Variants in STRN4 observed in about 807,000 individuals in gnomAD.
The protein encoded by STRN4 is striatin-4.
STRN4 carries 27 observed loss-of-function variants against 77.9 expected under a neutral mutation model. That is an observed-to-expected ratio of 0.35 (90% CI 0.26 to 0.48). STRN4 has a LOEUF of 0.48. STRN4 is among the 20% of genes least tolerant of loss of function. The pLI is 0.99. For synonymous variants in STRN4, 466 were observed against 443.1 expected, an observed-to-expected ratio of 1.05 and a Z score of -0.65; for missense variants, 798 against 1,049.7, an observed-to-expected ratio of 0.76 and a Z score of 3.31.
In STRN4 at chr19:46,733,056, G is replaced by A. The variant is rs375496663; in HGVS notation, c.720C>T (p.Ile240=). The A allele has an allele frequency of 2.4e-5, 38 of 1,611,280 alleles. No individual in the cohort carries two copies. The African/African-American group carries it at 3.3e-4, about 14-fold the overall frequency. The stretch of plus-strand genomic sequence containing the variant: ...GGGCTCACCTCTTTATCTGCTCCTC[G>A]ATCTGTTTCACCAGCAGCGACTCCC... ...SGGESLLVKQ[I]EEQIKRNAAG... is the part of the protein sequence containing the mutation. The change falls in exon 5 of 18, where the codon ATC becomes ATT. Residue 240 remains isoleucine (I), a synonymous_variant. Coordinates refer to ENST00000263280, the MANE Select transcript of STRN4 (RefSeq NM_013403.3). This position sits in a 1 kb window ranked among gnomAD's most constrained non-coding sequence, Gnocchi z 4.3.
At chr19:46,734,360 CTATTAT>C (rs1201617122) in intron 4 of STRN4, among the ~76,000 whole-genome samples, 1 of 152,192 alleles carries the variant, frequency 6.6e-6, no homozygotes, top group African/African-American at 2.4e-5. Flanking sequence ...GTTAGTATTA[CTATTAT>C]TGTTTTAGGG....
Position 46,720,725 on chromosome 19 carries a change from G to C in STRN4, c.2139C>G (p.Cys713Trp), listed in dbSNP as rs201712939. Residue 713 changes from cysteine to tryptophan, a missense_variant, in exon 17 of 18, where the codon TGC (cysteine) becomes TGG (tryptophan). Physicochemically the swap from Cys to Trp is radical, Grantham distance 215 (BLOSUM62 -2). Around this residue, in one of 2 missense-constraint regions of STRN4, gnomAD observed 287 missense variants for 473.8 expected, o/e 0.61. Transcript: ENST00000263280. ...TGCGGTGGGCCGTGATCTCCTGCAC[G>C]CACGTTTTGTTGTCCAGGCTCCAGA... ...LRLWSLDNKT[C>W]VQEITAHRKK... 6.2e-7 allele frequency: 1 copy of C among 1,607,388 alleles called. No homozygotes were observed. The highest frequency in any genetic ancestry group is 2.2e-5 in the East Asian group (1 of 44,570).
At chr19:46,735,954 A>C (rs1432935555) in intron 4 of STRN4, among the ~76,000 whole-genome samples, 1 of 149,792 alleles carries the variant, frequency 6.7e-6, no homozygotes, top group Non-Finnish European at 1.5e-5. Context: ...ACAAGAGCGA[A>C]ACTCTGTCTC....
intron 4 of STRN4, among the ~76,000 whole-genome samples, chr19:46,734,376 G>A (rs994671484): frequency 5.3e-5 from 8 of 152,140 alleles, no homozygotes; most frequent in Non-Finnish European, 1.0e-4. Context: ...TTGTTTTAGG[G>A]TTATTGTTTG....
rs2053941117 is a variant in STRN4, at chr19:46,720,085, A to T, written c.*320T>A. 1 of 152,544 alleles carries T rather than the reference A, an allele frequency of 6.6e-6. No individual in the cohort carries two copies. Among genetic ancestry groups the T allele is most frequent in the African/African-American group, 2.4e-5 (1 of 41,448 alleles). 9.4% of individuals were successfully genotyped at this position (152,544 alleles called of 1,614,324 possible). A position where few individuals can be genotyped will look rare whatever the true frequency, so the allele number is the denominator to read the frequency against. Reference sequence around the variant, plus strand: ...TGGAGTCTTGGAAAAACTGATCCCTAAAGACACCCGGCCCTGGCTGTGCTG... The same window carrying T: ...TGGAGTCTTGGAAAAACTGATCCCTTAAGACACCCGGCCCTGGCTGTGCTG... On this transcript the variant is annotated 3_prime_UTR_variant, in exon 18 of 18. Coordinates refer to ENST00000263280, the MANE Select transcript of STRN4 (RefSeq NM_013403.3).
intron 15 of STRN4, 63 bp downstream of exon 15, chr19:46,722,179 G>C: frequency 1.9e-6 from 3 of 1,597,040 alleles, no homozygotes; most frequent in East Asian, 2.3e-5. Context: ...AGGGACGCAA[G>C]CATCTCTGCT....
Position 46,722,852 on chromosome 19 carries a change from C to A in STRN4, c.1864G>T (p.Val622Phe). 6.2e-7 allele frequency: 1 copy of A among 1,613,964 alleles called. No homozygotes were observed. ...SGDTVLYDME[V>F]GSALLTLESR... is the part of the protein sequence containing the mutation. ...TCCAGCGTGAGGAGGGCACTGCCAA[C>A]CTCCATGTCATACAAGACGGTGTCG... Residue 622 changes from valine to phenylalanine, a missense_variant, in exon 14 of 18, where the codon GTT (valine) becomes TTT (phenylalanine). Val to Phe is a conservative substitution (Grantham distance 50). This residue lies in a region of STRN4 where 287 missense variants were observed against 473.8 expected (regional missense o/e 0.61). Transcript: ENST00000263280.
chr19:46,728,882 T>C, intron 6 of STRN4, 105 bp from the exon 7 acceptor site: 1 of 1,491,006 alleles, frequency 6.7e-7, no homozygotes, highest in South Asian at 1.3e-5. Context: ...CCCGTTTCTG[T>C]TCATGGGGCT....
At chr19:46,746,070 T>TGGCGGC (rs995093352) in intron 1 of STRN4, 79 bp downstream of exon 1, 57 of 1,216,562 alleles carry the variant, frequency 4.7e-5, no homozygotes, top group East Asian at 1.9e-4. Flanking sequence ...TGCTCCAAGA[T>TGGCGGC]GGCGGCGGCG....
rs542626259 is a variant in STRN4 at position 46,720,227 on chromosome 19, G to C, written c.*178C>G. 1 of 178,370 alleles carries C rather than the reference G, an allele frequency of 5.6e-6. No homozygotes were observed. The highest frequency in any genetic ancestry group is 1.4e-4 in the East Asian group (1 of 7,228). 11.0% of individuals were successfully genotyped at this position (178,370 alleles called of 1,614,324 possible). ...CCCATCCCCAGGCTGGATGCTTGGG[G>C]AAGGCAGCCGTTGGGGAGGGATTCC... On this transcript the variant is annotated 3_prime_UTR_variant, in exon 18 of 18. Transcript: ENST00000263280.
chr19:46,724,064 G>A (rs1408833352), intron 12 of STRN4, among the ~76,000 whole-genome samples: 6 of 151,942 alleles, frequency 3.9e-5, no homozygotes, highest in East Asian at 1.9e-4. Flanking sequence ...CCTGGTCAAC[G>A]TGGTGCAACC....
intron 4 of STRN4, among the ~76,000 whole-genome samples, chr19:46,734,118 A>G (rs184560631): frequency 6.6e-6 from 1 of 152,222 alleles, no homozygotes; most frequent in African/African-American, 2.4e-5. Flanking sequence ...TCCCCACCAA[A>G]AGAGAGACAG....
At position 46,740,837 on chromosome 19, in the gene STRN4, C is replaced by T. The variant is rs146488765; in HGVS notation, c.283-1949G>A. Among the ~76,000 whole-genome samples the T allele has an allele frequency of 2.0e-3, 305 of 152,140 alleles. 2 individuals are homozygous for T. Among genetic ancestry groups the T allele is most frequent in the Non-Finnish European group, 3.9e-3 (265 of 68,006 alleles). On this transcript the variant is annotated intron_variant, in intron 1 of 17. Transcript: ENST00000263280. ...TGTGACTAGGACCCCATTGCGGGAG[C>T]GAAGGACGCTATGGGAAGAGGGACA...
chr19:46,728,288 C>T (rs1568394943), intron 7 of STRN4: 9 of 590,136 alleles, frequency 1.5e-5, no homozygotes, highest in Non-Finnish European at 2.7e-5. Flanking sequence ...GAGGAAGATG[C>T]GGCCCTCCCA....
At chr19:46,746,046 GTCCCGGC>G in intron 1 of STRN4, 96 bp downstream of exon 1, 1 of 1,042,088 alleles carries the variant, frequency 9.6e-7, no homozygotes, top group Non-Finnish European at 1.2e-6. Flanking sequence ...CCCGCCGGCC[GTCCCGGC>G]GGCCATTGCT....
rs758033112 is a variant in STRN4 at position 46,722,913 on chromosome 19, G to A, written c.1803C>T (p.Thr601=). 3.7e-5 allele frequency: 60 copies of A among 1,613,884 alleles called. No homozygotes were observed. In the East Asian group the frequency reaches 9.8e-4, roughly 26 times the overall value. The part of the protein sequence containing the change: ...GVPTSVAFTS[T]EPAHIVASFR... Reference sequence around the variant, plus strand: ...AGGAGGCCACGATGTGGGCAGGCTCGGTGCTGGTGAAGGCCACTGAGGTGG... The same window carrying A: ...AGGAGGCCACGATGTGGGCAGGCTCAGTGCTGGTGAAGGCCACTGAGGTGG... The change falls in exon 14 of 18, where the codon ACC becomes ACT. Residue 601 remains threonine, a synonymous_variant. Transcript: ENST00000263280.
At chr19:46,740,829 T>C (rs1372078578) in intron 1 of STRN4, among the ~76,000 whole-genome samples, 1 of 151,934 alleles carries the variant, frequency 6.6e-6, no homozygotes, top group Non-Finnish European at 1.5e-5. Flanking sequence ...AGGACCCCAT[T>C]GCGGGAGCGA....
At position 46,722,920 on chromosome 19, in the gene STRN4, G is replaced by A. The variant is rs375959219; in HGVS notation, c.1796C>T (p.Thr599Ile). 7.4e-6 allele frequency: 12 copies of A among 1,613,976 alleles called. No homozygotes were observed. In the South Asian group the frequency reaches 1.3e-4, roughly 18 times the overall value. ...EHGVPTSVAF[T>I]STEPAHIVAS... ...CACGATGTGGGCAGGCTCGGTGCTG[G>A]TGAAGGCCACTGAGGTGGGGACCCC... The change falls in exon 14 of 18, where the codon ACC becomes ATC. Residue 599 changes from threonine (T) to isoleucine (I), a missense_variant. Physicochemically the swap from Thr to Ile is moderately conservative, Grantham distance 89. Transcript: ENST00000263280.
intron 16 of STRN4, chr19:46,721,068 G>A: frequency 3.4e-6 from 1 of 295,954 alleles, no homozygotes; most frequent in Non-Finnish European, 6.2e-6. Context: ...CACTGACGCT[G>A]CAGCTGGGCA....
Sources: gnomAD v4.1 joint callset for allele counts (sites outside exome capture counted in the v4.1 genomes callset) on GRCh38, gnomAD v4.1.1 for gene constraint, gnomAD v4.1.1 regional missense constraint, Gnocchi (gnomAD v3.1) non-coding constraint, MANE v1.5 for transcripts, NCBI Gene and HGNC (gene_info 2026-07-23, HGNC 2026-07-21) for gene names.